Variants in ATG2B observed in about 807,000 individuals in gnomAD.
The protein encoded by ATG2B is autophagy-related protein 2 homolog B.
In ATG2B, 121 loss-of-function variants were observed where a neutral mutation model predicts 241.3. The ratio of observed to expected loss-of-function variants is 0.50; its 90% confidence interval spans 0.43 to 0.58. ATG2B has a LOEUF of 0.58. Among genes scored for constraint, ATG2B ranks in the 20% least tolerant of loss-of-function variants. The pLI, the probability that ATG2B is intolerant of heterozygous loss-of-function variation, is 0.00. For synonymous variants in ATG2B, 858 were observed against 876.6 expected (o/e 0.98, Z 0.37); for missense variants, 2,306 against 2,491.6 (o/e 0.93, Z 1.59).
rs759954091 is a variant in ATG2B, at chr14:96,295,549, G to A, written c.5151C>T (p.Phe1717=). The change falls in exon 35 of 42, where the codon TTC becomes TTT. Residue 1717 remains phenylalanine, a synonymous_variant. Transcript: ENST00000359933. ...GACTTGTGAAGAAATCCTTCAGGAAGAACAAAGCATCCTAAAATTAAGAGA... is the reference window on the plus strand; with the variant it reads ...GACTTGTGAAGAAATCCTTCAGGAAAAACAAAGCATCCTAAAATTAAGAGA... ...LRLNIDQDAL[F]FLKDFFTSLS... The A allele has an allele frequency of 4.4e-6, 7 of 1,597,618 alleles. No individual in the cohort carries two copies. In the African/African-American group the frequency reaches 8.1e-5, roughly 19 times the overall value.
At chr14:96,337,254 C>T (rs921072176) in intron 6 of ATG2B, among the ~76,000 whole-genome samples, 10 of 152,046 alleles carry the variant, frequency 6.6e-5, no homozygotes, top group East Asian at 3.9e-4. Flanking sequence ...TGAATAAATC[C>T]GGGTATCTTC....
At chr14:96,347,656 C>T (rs1888205804) in intron 1 of ATG2B, among the ~76,000 whole-genome samples, 3 of 152,170 alleles carry the variant, frequency 2.0e-5, no homozygotes, top group Admixed American at 2.0e-4. Context: ...AATAATCCTA[C>T]TAAGAAATGG....
chr14:96,321,892 T>G (rs1047453660), intron 18 of ATG2B, among the ~76,000 whole-genome samples: 1 of 152,140 alleles, frequency 6.6e-6, no homozygotes, highest in Admixed American at 6.6e-5. Context: ...ACCTCAGGGC[T>G]GAGGAAATAA....
intron 1 of ATG2B, among the ~76,000 whole-genome samples, chr14:96,347,549 G>A (rs963314994): frequency 7.9e-5 from 12 of 152,124 alleles, no homozygotes; most frequent in South Asian, 2.1e-4. Context: ...GGGATAACCC[G>A]CAGAATGGCA....
chr14:96,306,608 T>A, intron 30 of ATG2B, 106 bp downstream of exon 30: 1 of 948,992 alleles, frequency 1.1e-6, no homozygotes, highest in Non-Finnish European at 1.5e-6. Context: ...AAAGTAACTC[T>A]GAACTATAAA....
In ATG2B at chr14:96,328,674, C is replaced by T; in HGVS notation, c.1974G>A (p.Gln658=). The change falls in exon 13 of 42, where the codon CAG becomes CAA. Residue 658 remains glutamine (Q), a splice_region_variant and synonymous_variant. Transcript: ENST00000359933. ...GCAATTATAGAAAAAGATCTCTTAC[C>T]TGGGGCCCTCTATTCTCAGAATGCT... ...HYKHSENRGP[Q]GNQARLSSVP... 6.3e-7 allele frequency: 1 copy of T among 1,598,248 alleles called. No homozygotes were observed. Among genetic ancestry groups the T allele is most frequent in the East Asian group, 2.2e-5 (1 of 44,746 alleles).
At chr14:96,316,143 A>G (rs1887304974) in intron 21 of ATG2B, among the ~76,000 whole-genome samples, 1 of 152,248 alleles carries the variant, frequency 6.6e-6, no homozygotes, top group African/African-American at 2.4e-5. Context: ...ATCCATAGAA[A>G]CAGAGTGTAG....
intron 16 of ATG2B, 85 bp downstream of exon 16, chr14:96,323,811 T>C (rs1887518947): frequency 2.2e-6 from 2 of 892,164 alleles, no homozygotes; most frequent in South Asian, 2.9e-5. Flanking sequence ...GTTTAGCTTA[T>C]ATTTAATAGA....
chr14:96,329,393 C>T lies in ATG2B; in HGVS notation c.1881+91G>A, dbSNP rs1047105873. ...AATATTCCTCCTATGGCTTTCTATA[C>T]ATTTTTAAAGAAAATCATTGCCTCA... is the stretch of plus-strand genomic sequence containing the variant. On this transcript the variant is annotated intron_variant, in intron 12 of 41. Transcript: ENST00000359933. The T allele has an allele frequency of 1.7e-5, 15 of 887,484 alleles. No individual in the cohort carries two copies. The Admixed American group carries it at 3.5e-4, about 21-fold the overall frequency. 55.0% of individuals were successfully genotyped at this position (887,484 alleles called of 1,614,324 possible).
rs532264626 is a variant in ATG2B at position 96,307,357 on chromosome 14, G to A, written c.4304-441C>T. 2.0e-5 allele frequency among the ~76,000 whole-genome samples: 3 copies of A among 152,190 alleles called. No individual in the cohort carries two copies. The South Asian group carries it at 6.2e-4, about 32-fold the overall frequency. On this transcript the variant is annotated intron_variant, in intron 29 of 41. Transcript: ENST00000359933. Reference sequence around the variant, plus strand: ...AGCCGGGAGGTGGAGGTTGCAGTGAGCTGACATCACACCACTGCACTCCAG... The same window carrying A: ...AGCCGGGAGGTGGAGGTTGCAGTGAACTGACATCACACCACTGCACTCCAG...
intron 6 of ATG2B, among the ~76,000 whole-genome samples, chr14:96,338,648 A>T (rs1400704857): frequency 3.3e-5 from 5 of 152,168 alleles, no homozygotes; most frequent in Non-Finnish European, 7.4e-5. Context: ...CTCAAGATGG[A>T]CCAAAGATGT....
intron 32 of ATG2B, among the ~76,000 whole-genome samples, chr14:96,304,055 T>C (rs1886867195): frequency 6.6e-6 from 1 of 152,206 alleles, no homozygotes; most frequent in Non-Finnish European, 1.5e-5. Context: ...TGTGATGCCA[T>C]CAGTAGTCTG....
intron 11 of ATG2B, among the ~76,000 whole-genome samples, chr14:96,331,137 G>A (rs1010861675): frequency 6.6e-6 from 1 of 152,188 alleles, no homozygotes; most frequent in East Asian, 1.9e-4. Context: ...AGATCACTTT[G>A]AAAACTCCTA....
In ATG2B at chr14:96,343,289, T is replaced by A. The variant is rs750657009; in HGVS notation, c.582-8A>T. 49 of 1,553,030 alleles carry A rather than the reference T, an allele frequency of 3.2e-5. No individual in the cohort carries two copies. The highest frequency in any genetic ancestry group is 3.8e-5 in the Non-Finnish European group (44 of 1,150,022). The stretch of plus-strand genomic sequence containing the variant: ...TCATCACAGTACACAGTTCTGAAAT[T>A]TTTTTAAAAAGCATTTACAAAAAGC... On this transcript the variant is annotated splice_polypyrimidine_tract_variant and splice_region_variant and intron_variant, in intron 4 of 41. Coordinates refer to ENST00000359933, the MANE Select transcript of ATG2B (RefSeq NM_018036.7).
chr14:96,300,092 C>T (rs1030111173), intron 34 of ATG2B, among the ~76,000 whole-genome samples: 3 of 152,188 alleles, frequency 2.0e-5, no homozygotes, highest in Admixed American at 2.0e-4. Flanking sequence ...TGAATTATTT[C>T]TCATTCTTCC....
chr14:96,307,586 C>T (rs2139852987), intron 29 of ATG2B, among the ~76,000 whole-genome samples: 1 of 152,232 alleles, frequency 6.6e-6, no homozygotes, highest in Non-Finnish European at 1.5e-5. Flanking sequence ...TTTGACAATT[C>T]TGTCCTATAG....
At chr14:96,355,924 C>A (rs1888460282) in intron 1 of ATG2B, among the ~76,000 whole-genome samples, 1 of 152,110 alleles carries the variant, frequency 6.6e-6, no homozygotes, top group Non-Finnish European at 1.5e-5. Flanking sequence ...GTAATCCCAG[C>A]ACTTTGAGAG....
Position 96,341,572 on chromosome 14 carries a change from A to G in ATG2B, c.874T>C (p.Leu292=), listed in dbSNP as rs1458275262. The G allele has an allele frequency of 5.6e-6, 9 of 1,604,388 alleles. No individual in the cohort carries two copies. Among genetic ancestry groups the G allele is most frequent in the Admixed American group, 3.4e-5 (2 of 59,338 alleles). ...TGTTTCAACGTGAGACTCAACTCCA[A>G]CCTACCAATTAACCGTCCAATCTGC... ...PVQIGRLIGR[L]ELSLTLKQNE... is the part of the protein sequence containing the mutation. Residue 292 remains leucine, a synonymous_variant, in exon 6 of 42, where the codon TTG becomes CTG. Transcript: ENST00000359933.
In ATG2B at chr14:96,290,014, G is replaced by T; in HGVS notation, c.5857-209C>A. 3 of 894,136 alleles carry T rather than the reference G, an allele frequency of 3.4e-6. No individual in the cohort carries two copies. Among genetic ancestry groups the T allele is most frequent in the Non-Finnish European group, 4.7e-6 (3 of 632,526 alleles). The allele number at this position is 894,136 out of a possible 1,614,324, so 55.4% of individuals were successfully genotyped here. On this transcript the variant is annotated intron_variant, in intron 40 of 41. Transcript: ENST00000359933. This position sits in a 1 kb window ranked among gnomAD's most constrained non-coding sequence, Gnocchi z 4.4. The stretch of plus-strand genomic sequence containing the variant: ...AGTATAAATTAATAACTAACACCTG[G>T]ATTGAGCTAAATTTTTAGCCCCTCC...
Sources: gnomAD v4.1 joint callset for allele counts (sites outside exome capture counted in the v4.1 genomes callset) on GRCh38, gnomAD v4.1.1 for gene constraint, Gnocchi (gnomAD v3.1) non-coding constraint, MANE v1.5 for transcripts, NCBI Gene and HGNC (gene_info 2026-07-23, HGNC 2026-07-21) for gene names.